The following ZNF618 variants were observed in gnomAD, a reference collection of about 807,000 sequenced individuals.
ZNF618 encodes the protein zinc finger protein 618, also known as neural precursor cell expressed, developmentally down-regulated 10.
ZNF618 carries 34 observed loss-of-function variants against 103.0 expected under a neutral mutation model. The observed-to-expected ratio is 0.33, with a 90% CI of 0.25 to 0.44. The LOEUF (loss-of-function observed/expected upper bound fraction) is 0.44, where lower values mean the gene tolerates loss of function less well. ZNF618 is among the 20% of genes least tolerant of loss of function. The pLI is 1.00. For missense variants in ZNF618, 1,059 were observed against 1,295.4 expected, an observed-to-expected ratio of 0.82 and a Z score of 2.80; for synonymous variants, 551 against 542.2, an observed-to-expected ratio of 1.02 and a Z score of -0.23.
At chr9:113,953,775 C>T (rs1317365420) in intron 1 of ZNF618, among the ~76,000 whole-genome samples, 18 of 152,206 alleles carry the variant, frequency 1.2e-4, no homozygotes, top group Admixed American at 9.8e-4. Flanking sequence ...TATGTAGACA[C>T]ACTCTCTGTG....
chr9:113,905,698 T>C (rs1227784470), intron 1 of ZNF618, among the ~76,000 whole-genome samples: 1 of 152,220 alleles, frequency 6.6e-6, no homozygotes, highest in African/African-American at 2.4e-5. Context: ...GTGCTTTCCT[T>C]ATACACATGC....
At chr9:114,018,299 G>A (rs191619805) in intron 10 of ZNF618, among the ~76,000 whole-genome samples, 5 of 152,314 alleles carry the variant, frequency 3.3e-5, no homozygotes, top group Admixed American at 3.3e-4. Flanking sequence ...GGCTGTGGTC[G>A]GGCTTGAACA....
chr9:113,953,581 A>C (rs775050485), intron 1 of ZNF618, among the ~76,000 whole-genome samples: 6 of 152,242 alleles, frequency 3.9e-5, no homozygotes, highest in Admixed American at 6.5e-5. Context: ...TCAGCCAGTT[A>C]ACCTCTGCTT....
At chr9:113,981,811 T>G (rs1410835727) in intron 2 of ZNF618, among the ~76,000 whole-genome samples, 1 of 152,236 alleles carries the variant, frequency 6.6e-6, no homozygotes, top group African/African-American at 2.4e-5. Context: ...GCCATGCCTT[T>G]CCTTCACCTG....
chr9:113,893,980 A>G (rs1181247839), intron 1 of ZNF618, among the ~76,000 whole-genome samples: 1 of 152,184 alleles, frequency 6.6e-6, no homozygotes, highest in African/African-American at 2.4e-5. Flanking sequence ...TTATGAAAGG[A>G]GTTTATGTTC....
chr9:113,891,723 A>G (rs1303758867), intron 1 of ZNF618, among the ~76,000 whole-genome samples: 2 of 152,244 alleles, frequency 1.3e-5, no homozygotes, highest in Non-Finnish European at 2.9e-5. Context: ...CCATCTACAG[A>G]TGAATGGATA....
Position 113,922,857 on chromosome 9 carries a change from A to T in ZNF618, c.34-46260A>T, listed in dbSNP as rs923373152. 3.3e-5 allele frequency among the ~76,000 whole-genome samples: 5 copies of T among 152,182 alleles called. 1 individual carries two copies. In the East Asian group the frequency reaches 9.6e-4, roughly 29 times the overall value. ...GCACAGAACAACTTCTGGACTTGTG[A>T]TTGGGATTGTATCAAATCTTTAGAT... On this transcript the variant is annotated intron_variant, in intron 1 of 14. Coordinates refer to ENST00000374126, the MANE Select transcript of ZNF618 (RefSeq NM_001318042.2).
Position 113,988,431 on chromosome 9 carries a change from A to G in ZNF618, c.188A>G (p.Lys63Arg). Residue 63 changes from lysine to arginine, a missense_variant, in exon 3 of 15, where the codon AAG (lysine) becomes AGG (arginine). This residue lies in a region of ZNF618 where 194 missense variants were observed against 209.0 expected (regional missense o/e 0.93). Transcript: ENST00000374126. ...EQGTMTEVKV[K>R]TELPDDYIQE... ...GGAACGATGACGGAGGTGAAGGTGA[A>G]GACAGAGCTGCCCGATGACTACATC... 1 of 1,613,698 alleles carries G rather than the reference A, an allele frequency of 6.2e-7. No individual in the cohort carries two copies. The highest frequency in any genetic ancestry group is 8.5e-7 in the Non-Finnish European group (1 of 1,179,896).
intron 6 of ZNF618, among the ~76,000 whole-genome samples, chr9:114,005,726 G>A (rs928552437): frequency 6.6e-6 from 1 of 152,232 alleles, no homozygotes; most frequent in Non-Finnish European, 1.5e-5. Context: ...GGGGACCATG[G>A]TCTGGACGGG....
intron 1 of ZNF618, among the ~76,000 whole-genome samples, chr9:113,944,151 C>T (rs1042276622): frequency 6.6e-6 from 1 of 152,132 alleles, no homozygotes; most frequent in Non-Finnish European, 1.5e-5. Flanking sequence ...TATTGAAGAT[C>T]GGGGAGAGGG....
chr9:114,050,403 C>G lies in ZNF618; in HGVS notation c.*236C>G. The G allele has an allele frequency of 2.1e-6, 1 of 468,362 alleles. No individual in the cohort carries two copies. The highest frequency in any genetic ancestry group is 5.7e-4 in the Middle Eastern group (1 of 1,764). 29.0% of individuals were successfully genotyped at this position (468,362 alleles called of 1,614,324 possible). A position where few individuals can be genotyped will look rare whatever the true frequency, so the allele number is the denominator to read the frequency against. On this transcript the variant is annotated 3_prime_UTR_variant, in exon 15 of 15. Coordinates refer to ENST00000374126, the MANE Select transcript of ZNF618 (RefSeq NM_001318042.2). ...TGGTTGTGGGGGTGTGGGGGGGTCT[C>G]TGTGCTCATCTCCATGGCCAGAGAA...
chr9:114,036,472 C>T (rs951656480), intron 13 of ZNF618, 95 bp downstream of exon 13: 17 of 1,313,760 alleles, frequency 1.3e-5, no homozygotes, highest in East Asian at 7.6e-5. Flanking sequence ...TGGAGAAGGC[C>T]GCTCTTTCCT....
chr9:113,889,549 A>G (rs919960406), intron 1 of ZNF618, among the ~76,000 whole-genome samples: 6 of 152,194 alleles, frequency 3.9e-5, no homozygotes, highest in Non-Finnish European at 7.3e-5. Context: ...AGGCAGTTAC[A>G]AAGGTGTGCG....
At chr9:114,013,877 C>T (rs926238320) in intron 9 of ZNF618, among the ~76,000 whole-genome samples, 13 of 152,206 alleles carry the variant, frequency 8.5e-5, no homozygotes, top group African/African-American at 3.1e-4. Context: ...GGCCCTACTC[C>T]AGACCTACAG....
chr9:113,959,369 A>G (rs1301726625), intron 1 of ZNF618, among the ~76,000 whole-genome samples: 4 of 152,334 alleles, frequency 2.6e-5, no homozygotes, highest in Non-Finnish European at 2.9e-5. Context: ...TTGAAACAAC[A>G]TTTAGAACAC....
Position 114,049,348 on chromosome 9 carries a change from C to T in ZNF618, c.2046C>T (p.Phe682=), listed in dbSNP as rs375761964. Residue 682 remains phenylalanine, a synonymous_variant, in exon 15 of 15, where the codon TTC becomes TTT. Transcript: ENST00000374126. ...CCACGGGCCTGGCCAAGGAGACCTTCGGGTCGCTGGAGGAGACGTCTCCAC... is the reference window on the plus strand; with the variant it reads ...CCACGGGCCTGGCCAAGGAGACCTTTGGGTCGCTGGAGGAGACGTCTCCAC... The part of the protein sequence containing the change: ...AGSTGLAKET[F]GSLEETSPPP... The T allele has an allele frequency of 3.0e-5, 48 of 1,610,240 alleles. No homozygotes were observed. Among genetic ancestry groups the T allele is most frequent in the Admixed American group, 2.9e-4 (17 of 59,604 alleles).
chr9:113,938,564 C>CTTTT (rs751883694), intron 1 of ZNF618, among the ~76,000 whole-genome samples: 3 of 77,722 alleles, frequency 3.9e-5, no homozygotes, highest in East Asian at 8.2e-4. Context: ...ATTATATTTT[C>CTTTT]TTTTTTTCTT....
chr9:114,025,361 G>A (rs1474171938), intron 10 of ZNF618, among the ~76,000 whole-genome samples: 6 of 152,170 alleles, frequency 3.9e-5, no homozygotes, highest in African/African-American at 1.4e-4. Flanking sequence ...TTGAATCCTT[G>A]CATTCTCTAA....
intron 9 of ZNF618, among the ~76,000 whole-genome samples, chr9:114,014,067 C>T (rs1842466913): frequency 6.6e-6 from 1 of 151,960 alleles, no homozygotes. Context: ...GTCTAATTGT[C>T]TAAAACAATA....
Sources: allele counts gnomAD v4.1 joint callset (sites outside exome capture counted in the v4.1 genomes callset), GRCh38; gene constraint gnomAD v4.1.1; regional missense constraint gnomAD v4.1.1; transcripts MANE v1.5; gene names NCBI Gene and HGNC (gene_info 2026-07-23, HGNC 2026-07-21).